Variants in PCGF5 observed in about 807,000 individuals in gnomAD.
The protein encoded by PCGF5 is polycomb group ring finger 5.
PCGF5 carries 9 observed loss-of-function variants against 44.3 expected under a neutral mutation model. The observed-to-expected ratio is 0.20, with a 90% CI of 0.12 to 0.35. PCGF5 has a LOEUF of 0.35. Among genes scored for constraint, PCGF5 ranks in the 10% least tolerant of loss-of-function variants. The pLI is 1.00. For synonymous variants in PCGF5, 95 were observed against 102.5 expected, an observed-to-expected ratio of 0.93 and a Z score of 0.44; for missense variants, 146 against 305.3, an observed-to-expected ratio of 0.48 and a Z score of 3.89.
rs1027773190 is a variant in PCGF5, at chr10:91,222,794, A to G, written c.-78A>G. 2.5e-6 allele frequency: 2 copies of G among 791,228 alleles called. No individual in the cohort carries two copies. The highest frequency in any genetic ancestry group is 4.3e-6 in the Non-Finnish European group (2 of 464,796). 49.0% of individuals were successfully genotyped at this position (791,228 alleles called of 1,614,324 possible). On this transcript the variant is annotated 5_prime_UTR_variant, in exon 2 of 10. Coordinates refer to ENST00000336126, the MANE Select transcript of PCGF5 (RefSeq NM_032373.5). Reference sequence around the variant, plus strand: ...GACATCCTACTGGGAACGACACACCAGCTCCTGGGATCAGACTTTCATCTA... The same window carrying G: ...GACATCCTACTGGGAACGACACACCGGCTCCTGGGATCAGACTTTCATCTA...
chr10:91,223,367 G>A (rs888222941), intron 2 of PCGF5, among the ~76,000 whole-genome samples: 9 of 152,092 alleles, frequency 5.9e-5, no homozygotes, highest in African/African-American at 2.2e-4. Context: ...GTGATTCCTA[G>A]ACTAGCAGCA....
intron 1 of PCGF5, among the ~76,000 whole-genome samples, chr10:91,180,212 T>G (rs1054085296): frequency 3.3e-5 from 5 of 152,198 alleles, no homozygotes; most frequent in Non-Finnish European, 7.3e-5. Flanking sequence ...TCTTTTCTTG[T>G]AAATTTAAGT....
chr10:91,164,770 C>T (rs112225201), intron 1 of PCGF5, among the ~76,000 whole-genome samples: 45 of 152,322 alleles, frequency 3.0e-4, no homozygotes, highest in African/African-American at 1.1e-3. Flanking sequence ...ATCTACTCAG[C>T]CAGGCCTTCT....
At position 91,222,793 on chromosome 10, in the gene PCGF5, C is replaced by T; in HGVS notation, c.-79C>T. The T allele has an allele frequency of 2.5e-6, 2 of 784,922 alleles. No homozygotes were observed. The highest frequency in any genetic ancestry group is 3.2e-5 in the South Asian group (2 of 62,370). The allele number at this position is 784,922 out of a possible 1,614,324, so 48.6% of individuals were successfully genotyped here. On this transcript the variant is annotated 5_prime_UTR_variant, in exon 2 of 10. It introduces an in-frame stop codon into an upstream open reading frame of the 5' UTR. Coordinates refer to ENST00000336126, the MANE Select transcript of PCGF5 (RefSeq NM_032373.5). ...GGACATCCTACTGGGAACGACACAC[C>T]AGCTCCTGGGATCAGACTTTCATCT...
intron 2 of PCGF5, among the ~76,000 whole-genome samples, chr10:91,224,209 A>G (rs1025067330): frequency 3.3e-5 from 5 of 152,214 alleles, no homozygotes; most frequent in African/African-American, 9.6e-5. Context: ...AGGCCTGGGC[A>G]TGCATATTTT....
At position 91,282,126 on chromosome 10, in the gene PCGF5, T is replaced by C. The variant is rs1846469030; in HGVS notation, c.*3810T>C. ...AAAAGACTTCATTCTATGGGATTTA[T>C]ATAAGTAAGTGCTTTCTCTATATTC... On this transcript the variant is annotated 3_prime_UTR_variant, in exon 10 of 10. Transcript: ENST00000336126. The C allele has an allele frequency of 6.6e-6, 1 of 152,242 alleles. No individual in the cohort carries two copies. Among genetic ancestry groups the C allele is most frequent in the Non-Finnish European group, 1.5e-5 (1 of 68,048 alleles). The allele number at this position is 152,242 out of a possible 1,614,324, so 9.4% of individuals were successfully genotyped here.
intron 2 of PCGF5, among the ~76,000 whole-genome samples, chr10:91,237,053 A>G (rs1227232063): frequency 1.3e-5 from 2 of 152,252 alleles, no homozygotes; most frequent in Non-Finnish European, 2.9e-5. Context: ...AATGGATTCA[A>G]ATATTGGTTT....
intron 3 of PCGF5, among the ~76,000 whole-genome samples, chr10:91,241,227 AC>A (rs1438997014): frequency 6.6e-6 from 1 of 151,840 alleles, no homozygotes; most frequent in African/African-American, 2.4e-5. Flanking sequence ...GGCATGCGCC[AC>A]CACATTAATT....
intron 3 of PCGF5, among the ~76,000 whole-genome samples, chr10:91,247,247 C>T (rs7092364): frequency 6.6e-6 from 1 of 151,532 alleles, no homozygotes; most frequent in Non-Finnish European, 1.5e-5. Context: ...TGTCAAACTG[C>T]TGCAGAGCAA....
At chr10:91,209,443 TA>T (rs1255102690) in intron 1 of PCGF5, among the ~76,000 whole-genome samples, 1 of 151,934 alleles carries the variant, frequency 6.6e-6, no homozygotes, top group Non-Finnish European at 1.5e-5. Context: ...GCTTTGTCTT[TA>T]CAAAAAAAAT....
At chr10:91,169,409 G>T (rs1843564252) in intron 1 of PCGF5, among the ~76,000 whole-genome samples, 1 of 152,072 alleles carries the variant, frequency 6.6e-6, no homozygotes, top group African/African-American at 2.4e-5. Context: ...AAAACCTCCT[G>T]GAACTAATAA....
At chr10:91,223,641 T>C (rs1375778248) in intron 2 of PCGF5, among the ~76,000 whole-genome samples, 2 of 152,224 alleles carry the variant, frequency 1.3e-5, no homozygotes, top group African/African-American at 4.8e-5. Flanking sequence ...AGATTACACA[T>C]ACTCTTTGTG....
At chr10:91,249,414 T>C (rs1304199533) in intron 5 of PCGF5, among the ~76,000 whole-genome samples, 1 of 64,744 alleles carries the variant, frequency 1.5e-5, no homozygotes, top group African/African-American at 5.5e-5. Context: ...TATATATATA[T>C]ATATATGTAT....
intron 2 of PCGF5, among the ~76,000 whole-genome samples, chr10:91,223,381 G>A (rs1287701131): frequency 2.0e-5 from 3 of 152,144 alleles, no homozygotes; most frequent in Admixed American, 6.5e-5. Context: ...AGCAGCACCA[G>A]TGTCATTGCA....
chr10:91,169,581 G>A (rs1843567517), intron 1 of PCGF5, among the ~76,000 whole-genome samples: 1 of 152,148 alleles, frequency 6.6e-6, no homozygotes, highest in South Asian at 2.1e-4. Context: ...AACAAAATAT[G>A]TATAAAATCT....
intron 1 of PCGF5, among the ~76,000 whole-genome samples, chr10:91,194,909 T>C (rs1233565087): frequency 6.6e-6 from 1 of 152,164 alleles, no homozygotes. Flanking sequence ...TCTGGGGTGT[T>C]ATCCTCAAGT....
intron 3 of PCGF5, among the ~76,000 whole-genome samples, chr10:91,244,830 A>G (rs1763915871): frequency 6.6e-6 from 1 of 152,194 alleles, no homozygotes; most frequent in African/African-American, 2.4e-5. Context: ...TGGAGTTGCC[A>G]TTAACTGAGT....
At chr10:91,166,594 G>A (rs749323890) in intron 1 of PCGF5, among the ~76,000 whole-genome samples, 4 of 151,964 alleles carry the variant, frequency 2.6e-5, no homozygotes, top group Non-Finnish European at 4.4e-5. Flanking sequence ...TGCTTACTTG[G>A]TATAATTATT....
chr10:91,173,577 G>GTTTTTTTTTTTT (rs1294760416), intron 1 of PCGF5, among the ~76,000 whole-genome samples: 6 of 42,516 alleles, frequency 1.4e-4, no homozygotes, highest in African/African-American at 4.3e-4. Context: ...GAGGGAGTTG[G>GTTTTTTTTTTTT]CTTTTTTTTT....
Sources: gnomAD v4.1 joint callset for allele counts (sites outside exome capture counted in the v4.1 genomes callset) on GRCh38, gnomAD v4.1.1 for gene constraint, MANE v1.5 for transcripts, NCBI Gene and HGNC (gene_info 2026-07-23, HGNC 2026-07-21) for gene names.